Variants in DCDC2B observed in about 807,000 individuals in gnomAD.
DCDC2B encodes the protein doublecortin domain-containing protein 2B.
Under a neutral mutation model 38.9 loss-of-function variants are expected in DCDC2B, and 41 were observed. The ratio of observed to expected loss-of-function variants is 1.05; its 90% CI spans 0.82 to 1.37. The LOEUF (loss-of-function observed/expected upper bound fraction) is 1.37, where lower values mean the gene tolerates loss of function less well. DCDC2B is among the 40% of genes most tolerant of loss of function. The pLI is 0.00. For synonymous variants in DCDC2B, 181 were observed against 171.9 expected, an observed-to-expected ratio of 1.05 and a Z score of -0.41; for missense variants, 453 against 427.2, an observed-to-expected ratio of 1.06 and a Z score of -0.53.
chr1:32,210,325 TAAA>T (rs905848009), intron 1 of DCDC2B, among the ~76,000 whole-genome samples: 10 of 78,726 alleles, frequency 1.3e-4, no homozygotes, highest in South Asian at 4.4e-4. Flanking sequence ...AAACTCCATC[TAAA>T]AAAAAAAAAA....
At chr1:32,210,858 G>A (rs1569740820) in intron 1 of DCDC2B, among the ~76,000 whole-genome samples, 1 of 152,040 alleles carries the variant, frequency 6.6e-6, no homozygotes, top group Non-Finnish European at 1.5e-5. Flanking sequence ...GGGGCCACAG[G>A]TGCATGCCAC....
intron 7 of DCDC2B, 63 bp downstream of exon 7, chr1:32,214,995 C>T: frequency 6.3e-7 from 1 of 1,594,998 alleles, no homozygotes; most frequent in East Asian, 2.2e-5. Flanking sequence ...TAGGTTGGTC[C>T]CTGCTGTTGT....
Position 32,215,983 on chromosome 1 carries a change from C to T in DCDC2B, c.*86C>T. On this transcript the variant is annotated 3_prime_UTR_variant, in exon 9 of 9. Transcript: ENST00000409358. ...CTCCAGCAGCTTGTTCCTCAGGAGC[C>T]AGCACCTCCGCTGGGCTCACAGGGT... 8.7e-7 allele frequency: 1 copy of T among 1,154,532 alleles called. No individual in the cohort carries two copies. The highest frequency in any genetic ancestry group is 1.3e-6 in the Non-Finnish European group (1 of 792,662). The allele number at this position is 1,154,532 out of a possible 1,614,324, so 71.5% of individuals were successfully genotyped here. A position where few individuals can be genotyped will look rare whatever the true frequency, so the allele number is the denominator to read the frequency against.
Position 32,212,788 on chromosome 1 carries a change from CA to C in DCDC2B, c.710del (p.Gln237ArgfsTer10). 1 of 1,613,714 alleles carries C rather than the reference CA, an allele frequency of 6.2e-7. No homozygotes were observed. Among genetic ancestry groups the C allele is most frequent in the Non-Finnish European group, 8.5e-7 (1 of 1,179,870 alleles). On this transcript the variant is annotated frameshift_variant, in exon 6 of 9. Coordinates refer to ENST00000409358, the MANE Select transcript of DCDC2B (RefSeq NM_001099434.2). LOFTEE classifies it high-confidence loss of function. ...PPGSKSRPHRQGAQGHRAQVT... is the reference protein window; with the variant it reads ...PPGSKSRPHRXGAQGHRAQVT... ...AGGCTCGAAGTCTAGGCCCCACAGG[CA>C]GGGGGTAGGTGACGCAGGGGACAAT...
At position 32,211,753 on chromosome 1, in the gene DCDC2B, G is replaced by T; in HGVS notation, c.319-8G>T. On this transcript the variant is annotated splice_region_variant and splice_polypyrimidine_tract_variant and intron_variant, in intron 2 of 8. Coordinates refer to ENST00000409358, the MANE Select transcript of DCDC2B (RefSeq NM_001099434.2). ...TCTCCTGATTTGGAGGCCTGACATGGGTTTCAGGGTCCTCCCGTGACTCGC... is the reference window on the plus strand; with the variant it reads ...TCTCCTGATTTGGAGGCCTGACATGTGTTTCAGGGTCCTCCCGTGACTCGC... 6.2e-7 allele frequency: 1 copy of T among 1,602,516 alleles called. No homozygotes were observed.
Position 32,212,586 on chromosome 1 carries a change from T to C in DCDC2B, c.624T>C (p.Leu208=), listed in dbSNP as rs1166947666. The C allele has an allele frequency of 5.0e-6, 8 of 1,613,864 alleles. No individual in the cohort carries two copies. Among genetic ancestry groups the C allele is most frequent in the Non-Finnish European group, 6.8e-6 (8 of 1,179,882 alleles). Residue 208 remains leucine, a synonymous_variant, in exon 5 of 9, where the codon CTT becomes CTC. Coordinates refer to ENST00000409358, the MANE Select transcript of DCDC2B (RefSeq NM_001099434.2). ...TCGGAGAGGATGAGTTCAAGGACCT[T>C]CCCTATCTGGAGCTGCTGGTGCCCA... ...VAVGEDEFKD[L]PYLELLVPSP...
rs757131404 is a variant in DCDC2B, at chr1:32,209,348, C to A, written c.255C>A (p.Phe85Leu). 2 of 1,613,830 alleles carry A rather than the reference C, an allele frequency of 1.2e-6. No homozygotes were observed. Among genetic ancestry groups the A allele is most frequent in the Admixed American group, 1.7e-5 (1 of 60,022 alleles). The change falls in exon 1 of 9, where the codon TTC becomes TTA. Residue 85 changes from phenylalanine to leucine, a missense_variant. Physicochemically the swap from Phe to Leu is conservative, Grantham distance 22 (BLOSUM62 0). Coordinates refer to ENST00000409358, the MANE Select transcript of DCDC2B (RefSeq NM_001099434.2). ...ATGTGGCCGCTGGATTTGAACGATTCCACAAGCTCCAGTGAGTGGGCTGGG... is the reference window on the plus strand; with the variant it reads ...ATGTGGCCGCTGGATTTGAACGATTACACAAGCTCCAGTGAGTGGGCTGGG... The part of the protein sequence containing the change: ...GQYVAAGFER[F>L]HKLHYLPHRG...
At chr1:32,215,706 G>GTTTC in intron 8 of DCDC2B, 96 bp from the exon 9 acceptor site, 2 of 1,184,412 alleles carry the variant, frequency 1.7e-6, no homozygotes, top group Non-Finnish European at 2.4e-6. Context: ...CTAATTTCCA[G>GTTTC]TTTCTTCCTT....
At position 32,212,808 on chromosome 1, in the gene DCDC2B, G is replaced by C. The variant is rs377572680; in HGVS notation, c.714+15G>C. ...ACAGGCAGGGGGTAGGTGACGCAGG[G>C]GACAATGAGGGGTGGGAAGAAGGGG... On this transcript the variant is annotated intron_variant, in intron 6 of 8. Transcript: ENST00000409358. 220 of 1,613,006 alleles carry C rather than the reference G, an allele frequency of 1.4e-4. 1 individual carries two copies. The highest frequency in any genetic ancestry group is 1.8e-4 in the Non-Finnish European group (213 of 1,179,802).
At chr1:32,215,395 G>C (rs1638296339) in intron 7 of DCDC2B, 45 bp from the exon 8 acceptor site, 1 of 1,524,590 alleles carries the variant, frequency 6.6e-7, no homozygotes, top group East Asian at 2.3e-5. Context: ...GAATGCTGAG[G>C]GCTCTTCAGC....
chr1:32,210,423 G>T (rs1005201916), intron 1 of DCDC2B, among the ~76,000 whole-genome samples: 1 of 150,750 alleles, frequency 6.6e-6, no homozygotes, highest in Non-Finnish European at 1.5e-5. Flanking sequence ...GCTTGAACCC[G>T]TGAGGCGGAG....
chr1:32,210,777 C>T (rs566498893), intron 1 of DCDC2B, among the ~76,000 whole-genome samples: 3 of 152,100 alleles, frequency 2.0e-5, no homozygotes, highest in Admixed American at 6.5e-5. Context: ...TGCACTGGCG[C>T]GATCATGGCT....
At chr1:32,214,122 C>A (rs1324799953) in intron 6 of DCDC2B, among the ~76,000 whole-genome samples, 2 of 151,554 alleles carry the variant, frequency 1.3e-5, no homozygotes, top group East Asian at 3.9e-4. Flanking sequence ...CCAGCCTGGC[C>A]AACATGGTAA....
chr1:32,213,678 T>A (rs1247469827), intron 6 of DCDC2B, among the ~76,000 whole-genome samples: 1 of 151,714 alleles, frequency 6.6e-6, no homozygotes. Context: ...CCGGTTAATT[T>A]TTTTTGTATT....
At chr1:32,209,908 A>G (rs561219926) in intron 1 of DCDC2B, among the ~76,000 whole-genome samples, 6 of 152,260 alleles carry the variant, frequency 3.9e-5, no homozygotes, top group East Asian at 1.9e-4. Flanking sequence ...AGAGGGAGTA[A>G]GTGGCTGGGC....
chr1:32,211,374 TG>T, intron 2 of DCDC2B, 51 bp downstream of exon 2: 1 of 1,599,014 alleles, frequency 6.3e-7, no homozygotes, highest in Non-Finnish European at 8.6e-7. Flanking sequence ...CCACTCCTCC[TG>T]GAACTGCCCC....
At position 32,209,223 on chromosome 1, in the gene DCDC2B, A is replaced by ACAT. The variant is rs1213332078; in HGVS notation, c.133_135dup (p.Ser45dup). The ACAT allele has an allele frequency of 1.2e-6, 2 of 1,613,884 alleles. No individual in the cohort carries two copies. Among genetic ancestry groups the ACAT allele is most frequent in the African/African-American group, 2.7e-5 (2 of 74,912 alleles). On this transcript the variant is annotated inframe_insertion, in exon 1 of 9. Transcript: ENST00000409358. ...CATGGAGGCCTTCCTCTGCGAGGTG[A>ACAT]CATCAGCTGTGCAGGCCCCACTGGC...
chr1:32,209,572 C>G (rs1036531522), intron 1 of DCDC2B, among the ~76,000 whole-genome samples: 5 of 152,140 alleles, frequency 3.3e-5, no homozygotes. Flanking sequence ...AAATAGAATT[C>G]TGTGTGTTAC....
chr1:32,215,138 C>T, intron 7 of DCDC2B: 5 of 693,740 alleles, frequency 7.2e-6, no homozygotes, highest in Non-Finnish European at 1.1e-5. Flanking sequence ...GTACTGACCT[C>T]ATCATAACTG....
Sources: gnomAD v4.1 joint callset for allele counts (sites outside exome capture counted in the v4.1 genomes callset) on GRCh38, gnomAD v4.1.1 for gene constraint, MANE v1.5 for transcripts, NCBI Gene and HGNC (gene_info 2026-07-23, HGNC 2026-07-21) for gene names.